The following SUGCT variants were observed in gnomAD, a reference collection of about 807,000 sequenced individuals.
SUGCT encodes the protein succinyl-CoA:glutarate-CoA transferase.
A neutral mutation model predicts 55.0 loss-of-function variants in SUGCT; 41 were observed. That is an observed-to-expected ratio of 0.74 (90% CI 0.58 to 0.97). The LOEUF is 0.97. Ranked by LOEUF, SUGCT falls within the 50% of genes least tolerant of loss-of-function variation. The pLI is 0.00. For missense variants in SUGCT, 568 were observed against 547.8 expected (o/e 1.04, Z -0.37); for synonymous variants, 187 against 200.4 (o/e 0.93, Z 0.56).
chr7:40,433,514 TCTTA>T (rs1388365004), intron 9 of SUGCT, among the ~76,000 whole-genome samples: 6 of 152,194 alleles, frequency 3.9e-5, no homozygotes, highest in African/African-American at 9.7e-5. Context: ...AGTCTTTTGG[TCTTA>T]CTTAGTTAAG....
At chr7:40,887,279 G>A in the SUGCT span, among the ~76,000 whole-genome samples, 1 of 152,188 alleles carries the variant, frequency 6.6e-6, no homozygotes, top group Non-Finnish European at 1.5e-5. Flanking sequence ...ACATACTTAT[G>A]AGTCAGAAAG....
At chr7:40,934,846 C>T in the SUGCT span, among the ~76,000 whole-genome samples, 1 of 152,112 alleles carries the variant, frequency 6.6e-6, no homozygotes, top group Non-Finnish European at 1.5e-5. Context: ...TACAGTCTGT[C>T]ACAGCATCTC....
At chr7:40,350,696 G>A (rs1797581156) in intron 9 of SUGCT, among the ~76,000 whole-genome samples, 1 of 151,888 alleles carries the variant, frequency 6.6e-6, no homozygotes, top group African/African-American at 2.4e-5. Flanking sequence ...GAATGTGTAG[G>A]TTTGTTACAT....
chr7:40,704,517 A>G lies in SUGCT; in HGVS notation c.1090-44917A>G, dbSNP rs183315374. On this transcript the variant is annotated intron_variant, in intron 12 of 13. Transcript: ENST00000335693. ...AGGTGACCACAGGGGTAGAGGTCAC[A>G]TAGCATAACATGGATTATCAGCTGT... Among the ~76,000 whole-genome samples the G allele has an allele frequency of 1.7e-3, 264 of 152,270 alleles. 1 individual carries two copies. The highest frequency in any genetic ancestry group is 6.8e-3 in the Middle Eastern group (2 of 294).
the SUGCT span, among the ~76,000 whole-genome samples, chr7:41,027,838 C>T: frequency 6.6e-6 from 1 of 152,148 alleles, no homozygotes. Context: ...CTTTGATCTA[C>T]GTTAGCTGAG....
chr7:40,879,250 T>TA, the SUGCT span, among the ~76,000 whole-genome samples: 1 of 152,246 alleles, frequency 6.6e-6, no homozygotes, highest in African/African-American at 2.4e-5. Context: ...CTAGGCAAAA[T>TA]TTTAAAACAT....
chr7:40,831,288 A>G (rs1792651042), intron 13 of SUGCT, among the ~76,000 whole-genome samples: 1 of 151,898 alleles, frequency 6.6e-6, no homozygotes, highest in Non-Finnish European at 1.5e-5. Context: ...CCCTCCCTCT[A>G]CTGCTGGGAC....
the SUGCT span, among the ~76,000 whole-genome samples, chr7:40,909,866 T>A: frequency 6.6e-6 from 1 of 152,140 alleles, no homozygotes; most frequent in South Asian, 2.1e-4. Flanking sequence ...AGAGCCAACA[T>A]GTCTGAGTCT....
At chr7:40,920,228 C>A in the SUGCT span, among the ~76,000 whole-genome samples, 40,601 of 152,048 alleles carry the variant, frequency 0.27, 5,475 homozygotes, top group Middle Eastern at 0.33. Flanking sequence ...ATAGAAGGAA[C>A]CATATCTCGG....
At chr7:40,900,446 A>T in the SUGCT span, among the ~76,000 whole-genome samples, 3 of 152,248 alleles carry the variant, frequency 2.0e-5, no homozygotes, top group East Asian at 5.8e-4. Context: ...TAAAACACAT[A>T]GTCATTCAAC....
At chr7:40,835,846 T>A (rs1792939051) in intron 13 of SUGCT, among the ~76,000 whole-genome samples, 1 of 152,032 alleles carries the variant, frequency 6.6e-6, no homozygotes, top group Admixed American at 6.6e-5. Flanking sequence ...TTTAGTACTT[T>A]CCATTTGGAG....
At chr7:40,408,108 T>TTTTATTTA (rs1786481008) in intron 9 of SUGCT, among the ~76,000 whole-genome samples, 1 of 152,202 alleles carries the variant, frequency 6.6e-6, no homozygotes, top group Non-Finnish European at 1.5e-5. Context: ...ACAGTATTGC[T>TTTTATTTA]AGAGCATTTC....
intron 9 of SUGCT, among the ~76,000 whole-genome samples, chr7:40,395,334 C>T (rs1189480753): frequency 6.6e-6 from 1 of 151,500 alleles, no homozygotes; most frequent in African/African-American, 2.4e-5. Flanking sequence ...ACTAAAAATA[C>T]AAAAATTAGC....
At chr7:40,465,119 T>C (rs1229532633) in intron 11 of SUGCT, among the ~76,000 whole-genome samples, 1 of 152,238 alleles carries the variant, frequency 6.6e-6, no homozygotes, top group African/African-American at 2.4e-5. Flanking sequence ...TAAAATACTG[T>C]GGCAATTCCT....
intron 11 of SUGCT, among the ~76,000 whole-genome samples, chr7:40,494,543 G>A (rs928547655): frequency 3.3e-5 from 5 of 152,062 alleles, no homozygotes; most frequent in African/African-American, 1.2e-4. Context: ...CCAAATAGGG[G>A]TAGTTAACAT....
chr7:40,447,146 G>GT (rs943787823), intron 9 of SUGCT, among the ~76,000 whole-genome samples: 1 of 152,144 alleles, frequency 6.6e-6, no homozygotes, highest in African/African-American at 2.4e-5. Flanking sequence ...AGCCACTAGT[G>GT]TTTTTTTCTG....
intron 9 of SUGCT, among the ~76,000 whole-genome samples, chr7:40,440,460 C>T (rs7790878): frequency 0.057 from 8,721 of 152,060 alleles, 794 homozygotes; most frequent in African/African-American, 0.2. Context: ...TGCACCCAGC[C>T]AAGTTTTTAT....
chr7:40,584,776 T>C lies in SUGCT; in HGVS notation c.1089+88390T>C, dbSNP rs1797288629. On this transcript the variant is annotated intron_variant, in intron 12 of 13. Coordinates refer to ENST00000335693, the MANE Select transcript of SUGCT (RefSeq NM_001193313.2). The stretch of plus-strand genomic sequence containing the variant: ...TATATACAGTAACATAAGGCTCCAC[T>C]GTGGCGAACTATTTACACTGGATAC... Among the ~76,000 whole-genome samples, 5 of 152,174 alleles carry C rather than the reference T, an allele frequency of 3.3e-5. No individual in the cohort carries two copies. In the South Asian group the frequency reaches 1.0e-3, roughly 32 times the overall value.
In SUGCT at chr7:40,189,525, TATA is replaced by T; in HGVS notation, c.313-18_313-16del. On this transcript the variant is annotated splice_polypyrimidine_tract_variant and intron_variant, in intron 4 of 13. Transcript: ENST00000335693. ...TGGTCATCGAAATAATATATATATA[TATA>T]TTTTTTAATTTTTAGAGTATTGCTG... 1 of 936,372 alleles carries T rather than the reference TATA, an allele frequency of 1.1e-6. No individual in the cohort carries two copies. The highest frequency in any genetic ancestry group is 1.4e-6 in the Non-Finnish European group (1 of 698,060). 58.0% of individuals were successfully genotyped at this position (936,372 alleles called of 1,614,324 possible).
Sources: gnomAD v4.1 joint callset for allele counts (sites outside exome capture counted in the v4.1 genomes callset) on GRCh38, gnomAD v4.1.1 for gene constraint, MANE v1.5 for transcripts, NCBI Gene and HGNC (gene_info 2026-07-23, HGNC 2026-07-21) for gene names.